The following PRKCH variants were observed in gnomAD, a reference collection of about 807,000 sequenced individuals.
PRKCH encodes protein kinase C eta type.
In PRKCH, 28 loss-of-function variants were observed where a neutral mutation model predicts 82.5. The observed-to-expected ratio is 0.34, with a 90% CI of 0.25 to 0.47. The LOEUF (loss-of-function observed/expected upper bound fraction) is 0.47. Among genes scored for constraint, PRKCH ranks in the 20% least tolerant of loss-of-function variants. The pLI is 1.00. For synonymous variants in PRKCH, 322 were observed against 327.4 expected (o/e 0.98, Z 0.18); for missense variants, 705 against 881.8 (o/e 0.80, Z 2.54).
chr14:61,448,359 T>C (rs1459840739), intron 4 of PRKCH, among the ~76,000 whole-genome samples: 1 of 152,246 alleles, frequency 6.6e-6, no homozygotes, highest in Non-Finnish European at 1.5e-5. Context: ...GTGTATCACT[T>C]ATCTAGATGA....
At chr14:61,404,573 C>T (rs1250352953) in intron 2 of PRKCH, among the ~76,000 whole-genome samples, 1 of 143,238 alleles carries the variant, frequency 7.0e-6, no homozygotes, top group African/African-American at 2.6e-5. Context: ...GGTTTGTTCT[C>T]ACAGAACTCA....
At chr14:61,194,208 C>G (rs945339660) in intron 1 of PRKCH, among the ~76,000 whole-genome samples, 3 of 152,142 alleles carry the variant, frequency 2.0e-5, no homozygotes, top group East Asian at 3.8e-4. Flanking sequence ...GTATTAGAGT[C>G]TACTATAAAT....
intron 9 of PRKCH, among the ~76,000 whole-genome samples, chr14:61,483,570 G>A (rs971575435): frequency 5.9e-5 from 9 of 152,074 alleles, no homozygotes; most frequent in Admixed American, 5.2e-4. Context: ...TCTAATTAAG[G>A]CGTTAGTTAA....
chr14:61,473,018 A>T (rs992392442), intron 9 of PRKCH, among the ~76,000 whole-genome samples: 4 of 152,188 alleles, frequency 2.6e-5, no homozygotes, highest in African/African-American at 7.2e-5. Flanking sequence ...ATCCTCGTGG[A>T]GGTTGGAAGG....
intron 1 of PRKCH, among the ~76,000 whole-genome samples, chr14:61,357,267 T>A (rs1487449052): frequency 6.6e-6 from 1 of 152,352 alleles, no homozygotes; most frequent in East Asian, 1.9e-4. Context: ...TTACTGTTCT[T>A]CTTAAGGCCT....
intron 1 of PRKCH, among the ~76,000 whole-genome samples, chr14:61,361,557 T>C (rs2046225456): frequency 6.6e-6 from 1 of 152,218 alleles, no homozygotes; most frequent in South Asian, 2.1e-4. Context: ...ATAAGGCTCA[T>C]TTTATAGCCT....
chr14:61,443,687 G>A lies in PRKCH; in HGVS notation c.578+426G>A, dbSNP rs59644323. Among the ~76,000 whole-genome samples, 2,834 of 152,296 alleles carry A rather than the reference G, an allele frequency of 0.019. 186 individuals carry two copies. The East Asian group carries it at 0.26, about 14-fold the overall frequency. ...TTGCGAGAAAACTAAACACAAAGTAGTCTTCGGCCTCTTGGTATGTAACAG... is the reference window on the plus strand; with the variant it reads ...TTGCGAGAAAACTAAACACAAAGTAATCTTCGGCCTCTTGGTATGTAACAG... On this transcript the variant is annotated intron_variant, in intron 3 of 13. Transcript: ENST00000332981.
At chr14:61,271,920 T>C (rs1428313889) in intron 1 of PRKCH, among the ~76,000 whole-genome samples, 1 of 152,154 alleles carries the variant, frequency 6.6e-6, no homozygotes, top group Non-Finnish European at 1.5e-5. Flanking sequence ...GGGATAATAT[T>C]AGGGTTGTTT....
rs377162788 is a variant in PRKCH at position 61,549,859 on chromosome 14, G to A, written c.*28G>A. On this transcript the variant is annotated 3_prime_UTR_variant, in exon 14 of 14. Transcript: ENST00000332981. ...TTATGGGGAGTGAGAGAGAGGGCAC[G>A]AGAACCCAAAGGGAATAGAGATTCT... is the stretch of plus-strand genomic sequence containing the variant. 28 of 1,607,166 alleles carry A rather than the reference G, an allele frequency of 1.7e-5. No individual in the cohort carries two copies. The East Asian group carries it at 5.4e-4, about 31-fold the overall frequency.
chr14:61,523,968 G>A (rs2042936042), intron 10 of PRKCH, among the ~76,000 whole-genome samples: 2 of 152,248 alleles, frequency 1.3e-5, no homozygotes, highest in South Asian at 2.1e-4. Flanking sequence ...GAGGCTGTGT[G>A]ATCAGTATGG....
intron 2 of PRKCH, among the ~76,000 whole-genome samples, chr14:61,440,748 C>G (rs1883921955): frequency 6.6e-6 from 1 of 152,066 alleles, no homozygotes; most frequent in Non-Finnish European, 1.5e-5. Context: ...GTGGTGTGCA[C>G]CTGTAGTCCC....
intron 1 of PRKCH, among the ~76,000 whole-genome samples, chr14:61,301,705 G>A (rs2045448760): frequency 6.6e-6 from 1 of 152,186 alleles, no homozygotes; most frequent in Non-Finnish European, 1.5e-5. Flanking sequence ...GCTGGGTGTG[G>A]TAGTGTGTGC....
chr14:61,470,101 T>TG, intron 9 of PRKCH, among the ~76,000 whole-genome samples: 1 of 151,200 alleles, frequency 6.6e-6, no homozygotes, highest in Non-Finnish European at 1.5e-5. Flanking sequence ...TTGAAGAGTC[T>TG]GGGGGGCTTG....
At chr14:61,199,351 G>A (rs191709538) in intron 1 of PRKCH, among the ~76,000 whole-genome samples, 92 of 152,274 alleles carry the variant, frequency 6.0e-4, no homozygotes, top group African/African-American at 1.5e-3. Context: ...TGCAAACTTC[G>A]CCCATGGTTT....
rs77949017 is a variant in PRKCH, at chr14:61,408,447, A to G, written c.427+17159A>G. Reference sequence around the variant, plus strand: ...CAGTCAAAATTTCCTGGGAATTGCTATTGGGGATCTGTAGCTGTGCTGGAG... The same window carrying G: ...CAGTCAAAATTTCCTGGGAATTGCTGTTGGGGATCTGTAGCTGTGCTGGAG... On this transcript the variant is annotated intron_variant, in intron 2 of 13. Coordinates refer to ENST00000332981, the MANE Select transcript of PRKCH (RefSeq NM_006255.5). Among the ~76,000 whole-genome samples, 257 of 152,178 alleles carry G rather than the reference A, an allele frequency of 1.7e-3. 1 individual carries two copies. In the East Asian group the frequency reaches 0.034, roughly 20 times the overall value.
chr14:61,440,198 T>C (rs1350200145), intron 2 of PRKCH, among the ~76,000 whole-genome samples: 4 of 152,206 alleles, frequency 2.6e-5, no homozygotes, highest in East Asian at 1.9e-4. Flanking sequence ...ATCTGTTCAC[T>C]TCGTGGTTTC....
chr14:61,300,043 A>G (rs973422185), intron 1 of PRKCH, among the ~76,000 whole-genome samples: 1 of 152,176 alleles, frequency 6.6e-6, no homozygotes, highest in Non-Finnish European at 1.5e-5. Context: ...TCTTTCTCTT[A>G]TAATCCAAAG....
rs1156422967 is a variant in PRKCH, at chr14:61,520,134, C to G, written c.1434-8941C>G. Among the ~76,000 whole-genome samples, 3 of 149,580 alleles carry G rather than the reference C, an allele frequency of 2.0e-5. No individual in the cohort carries two copies. In the East Asian group the frequency reaches 5.8e-4, roughly 29 times the overall value. On this transcript the variant is annotated intron_variant, in intron 10 of 13. Coordinates refer to ENST00000332981, the MANE Select transcript of PRKCH (RefSeq NM_006255.5). ...AGAATATGTAAACACATTTTAATGA[C>G]TTTTTCCTGGTTAACAAAGTAATAC... is the stretch of plus-strand genomic sequence containing the variant.
At chr14:61,234,823 C>T (rs1390051300) in intron 1 of PRKCH, among the ~76,000 whole-genome samples, 1 of 152,214 alleles carries the variant, frequency 6.6e-6, no homozygotes, top group Non-Finnish European at 1.5e-5. Flanking sequence ...CCCTCAGGGC[C>T]ATCAGCATCA....
Sources: allele counts gnomAD v4.1 joint callset (sites outside exome capture counted in the v4.1 genomes callset), GRCh38; gene constraint gnomAD v4.1.1; transcripts MANE v1.5; gene names NCBI Gene and HGNC (gene_info 2026-07-23, HGNC 2026-07-21).